Variants in NPAS3 observed in about 807,000 individuals in gnomAD.
NPAS3 encodes neuronal PAS domain-containing protein 3.
A neutral mutation model predicts 73.1 loss-of-function variants in NPAS3; 14 were observed. The observed-to-expected ratio is 0.19, with a 90% confidence interval of 0.13 to 0.30. NPAS3 has a LOEUF of 0.30. Ranked by LOEUF, NPAS3 falls within the 10% of genes least tolerant of loss-of-function variation. NPAS3 has a pLI of 1.00. For synonymous variants in NPAS3, 620 were observed against 541.5 expected (o/e 1.14, Z -2.01); for missense variants, 1,096 against 1,250.0 (o/e 0.88, Z 1.86).
chr14:33,704,046 A>G (rs1420374358), intron 6 of NPAS3, among the ~76,000 whole-genome samples: 1 of 152,230 alleles, frequency 6.6e-6, no homozygotes, highest in African/African-American at 2.4e-5. Context: ...TAAAATGAAT[A>G]TACAGTAATA....
At chr14:33,429,687 G>A (rs2048702378) in intron 4 of NPAS3, among the ~76,000 whole-genome samples, 1 of 152,166 alleles carries the variant, frequency 6.6e-6, no homozygotes. Context: ...ATTTATGGAT[G>A]TATTTGGATC....
chr14:33,650,409 C>T (rs2058957073), intron 5 of NPAS3, among the ~76,000 whole-genome samples: 1 of 152,112 alleles, frequency 6.6e-6, no homozygotes, highest in Admixed American at 6.6e-5. Context: ...TAGCTAGAGA[C>T]ATCCCTCACC....
chr14:33,750,291 G>T (rs572825787), intron 7 of NPAS3, among the ~76,000 whole-genome samples: 1 of 151,752 alleles, frequency 6.6e-6, no homozygotes, highest in South Asian at 2.1e-4. Flanking sequence ...CATCATAGAG[G>T]TAGAAGAAAT....
At chr14:33,373,609 A>G (rs1483341510) in intron 4 of NPAS3, among the ~76,000 whole-genome samples, 2 of 152,174 alleles carry the variant, frequency 1.3e-5, no homozygotes, top group African/African-American at 4.8e-5. Flanking sequence ...CTAAGTATTG[A>G]GAGAATAAAA....
At chr14:33,233,090 G>C (rs1403018221) in intron 3 of NPAS3, among the ~76,000 whole-genome samples, 1 of 152,112 alleles carries the variant, frequency 6.6e-6, no homozygotes. Context: ...GTTATCAAAT[G>C]ATGACAAATC....
intron 4 of NPAS3, among the ~76,000 whole-genome samples, chr14:33,544,800 A>ATATATG (rs1555409930): frequency 0.035 from 2,952 of 84,552 alleles, 308 homozygotes; most frequent in African/African-American, 0.15. Context: ...ATATATATAT[A>ATATATG]TATATATATA....
At chr14:33,024,820 A>G (rs188659373) in intron 1 of NPAS3, among the ~76,000 whole-genome samples, 8 of 152,324 alleles carry the variant, frequency 5.3e-5, no homozygotes, top group Non-Finnish European at 1.0e-4. Context: ...ACTCTTCATA[A>G]TGAACACGTA....
chr14:33,078,532 C>CAAAAAAA (rs200285065), intron 2 of NPAS3, among the ~76,000 whole-genome samples: 4 of 63,338 alleles, frequency 6.3e-5, no homozygotes, highest in African/African-American at 4.3e-5. Context: ...AAAACAAAAC[C>CAAAAAAA]AAAAAAAAAA....
intron 2 of NPAS3, among the ~76,000 whole-genome samples, chr14:33,182,225 G>A (rs1414706589): frequency 6.6e-6 from 1 of 152,040 alleles, no homozygotes; most frequent in African/African-American, 2.4e-5. Flanking sequence ...TATGGCCTGT[G>A]CATTTAAATG....
At chr14:33,283,300 C>G (rs559021412) in intron 3 of NPAS3, among the ~76,000 whole-genome samples, 2 of 152,254 alleles carry the variant, frequency 1.3e-5, no homozygotes, top group African/African-American at 4.8e-5. Context: ...TTGTTACCAG[C>G]AGGTAGTAGT....
At chr14:33,454,067 TGC>T (rs1402731524) in intron 4 of NPAS3, among the ~76,000 whole-genome samples, 1 of 151,574 alleles carries the variant, frequency 6.6e-6, no homozygotes, top group East Asian at 1.9e-4. Context: ...CTAAATTTCA[TGC>T]TCAGTTATGA....
At chr14:33,769,745 ATTTTTTTTTTC>A (rs1317565703) in intron 7 of NPAS3, among the ~76,000 whole-genome samples, 1 of 103,354 alleles carries the variant, frequency 9.7e-6, no homozygotes, top group Non-Finnish European at 1.9e-5. Context: ...AAAGACTTGG[ATTTTTTTTTTC>A]TTTTTTTTTT....
chr14:32,975,896 T>TGTGTGTGTGTGTGA (rs374916231), intron 1 of NPAS3, among the ~76,000 whole-genome samples: 5 of 142,200 alleles, frequency 3.5e-5, no homozygotes, highest in African/African-American at 1.3e-4. Context: ...TGTGTGTGTG[T>TGTGTGTGTGTGTGA]GAGAGAGAGA....
chr14:33,792,942 T>G (rs941848616), intron 9 of NPAS3, among the ~76,000 whole-genome samples: 1 of 152,234 alleles, frequency 6.6e-6, no homozygotes, highest in Admixed American at 6.5e-5. Flanking sequence ...CAGCAGGTTT[T>G]CCACATTTCC....
At chr14:33,095,240 T>A (rs898736595) in intron 2 of NPAS3, among the ~76,000 whole-genome samples, 1 of 152,224 alleles carries the variant, frequency 6.6e-6, no homozygotes, top group African/African-American at 2.4e-5. Context: ...GTGTGTGGTC[T>A]GAGTTTTTGT....
intron 6 of NPAS3, among the ~76,000 whole-genome samples, chr14:33,725,464 A>AT (rs1028876696): frequency 6.6e-6 from 1 of 151,986 alleles, no homozygotes; most frequent in Admixed American, 6.6e-5. Context: ...CATTATGGGG[A>AT]TTTTTTTAAA....
intron 4 of NPAS3, among the ~76,000 whole-genome samples, chr14:33,511,759 G>C (rs17583667): frequency 0.21 from 31,806 of 152,074 alleles, 3,538 homozygotes; most frequent in South Asian, 0.27. Context: ...TTGGTAGCAA[G>C]ACTACTTGTC....
In NPAS3 at chr14:33,456,988, A is replaced by C. The variant is rs10143300; in HGVS notation, c.468+89720A>C. On this transcript the variant is annotated intron_variant, in intron 4 of 11. Coordinates refer to ENST00000356141, the Ensembl canonical transcript of NPAS3. ...ACATTAAGGTAACATAATGAGGTCC[A>C]ATGCAGTCCCACAAAAGCGTTTTAT... 2.3e-3 allele frequency among the ~76,000 whole-genome samples: 353 copies of C among 152,286 alleles called. 4 individuals carry two copies. The highest frequency in any genetic ancestry group is 8.0e-3 in the African/African-American group (332 of 41,568).
intron 3 of NPAS3, among the ~76,000 whole-genome samples, chr14:33,217,961 A>G (rs2047285764): frequency 6.6e-6 from 1 of 152,204 alleles, no homozygotes; most frequent in Admixed American, 6.6e-5. Context: ...TTTAGGTGAG[A>G]ATTTTCTCAG....
Sources: allele counts gnomAD v4.1 joint callset (sites outside exome capture counted in the v4.1 genomes callset), GRCh38; gene constraint gnomAD v4.1.1; transcripts MANE v1.5; gene names NCBI Gene and HGNC (gene_info 2026-07-23, HGNC 2026-07-21).